The following XYLB variants were observed in gnomAD, a reference collection of about 807,000 sequenced individuals.
XYLB encodes the protein xylulokinase.
In XYLB, 62 loss-of-function variants were observed where a neutral mutation model predicts 78.7. The ratio of observed to expected loss-of-function variants is 0.79; its 90% CI spans 0.64 to 0.97. The LOEUF (loss-of-function observed/expected upper bound fraction) is 0.97. XYLB is among the 50% of genes least tolerant of loss of function. The pLI is 0.00. For synonymous variants in XYLB, 245 were observed against 247.4 expected, an observed-to-expected ratio of 0.99 and a Z score of 0.09; for missense variants, 687 against 676.8, an observed-to-expected ratio of 1.02 and a Z score of -0.17.
chr3:38,430,735 G>A, the XYLB span, among the ~76,000 whole-genome samples: 1 of 152,182 alleles, frequency 6.6e-6, no homozygotes. Flanking sequence ...TTTTGTATGA[G>A]GTGTAAAGAA....
chr3:38,351,802 T>C (rs76678025), intron 2 of XYLB, among the ~76,000 whole-genome samples: 4,843 of 152,340 alleles, frequency 0.032, 113 homozygotes, highest in African/African-American at 0.062. Context: ...TTTAAAATTT[T>C]ACATCACAGT....
At chr3:38,366,020 G>A (rs189738408) in intron 6 of XYLB, among the ~76,000 whole-genome samples, 98 of 152,036 alleles carry the variant, frequency 6.4e-4, no homozygotes, top group African/African-American at 1.6e-3. Flanking sequence ...TTTGTAACCC[G>A]GGGATTACAA....
At chr3:38,355,928 T>C (rs1705621604) in intron 2 of XYLB, 2 of 617,760 alleles carry the variant, frequency 3.2e-6, no homozygotes, top group Non-Finnish European at 5.8e-6. Context: ...TTAACTAATA[T>C]AATTTTTTCC....
the XYLB span, among the ~76,000 whole-genome samples, chr3:38,444,318 T>G: frequency 4.0e-5 from 6 of 151,648 alleles, no homozygotes; most frequent in Non-Finnish European, 7.4e-5. Flanking sequence ...AGCCTGGGGG[T>G]TTTTGTGGTC....
chr3:38,393,813 C>G (rs1354680692), intron 15 of XYLB, among the ~76,000 whole-genome samples: 7 of 152,114 alleles, frequency 4.6e-5, no homozygotes, highest in Admixed American at 4.6e-4. Flanking sequence ...TTATTTTTAA[C>G]TTAATTACCT....
chr3:38,426,164 A>G (rs929179153), downstream of XYLB, among the ~76,000 whole-genome samples: 2 of 152,244 alleles, frequency 1.3e-5, no homozygotes, highest in Non-Finnish European at 2.9e-5. Context: ...CAAACAGCAG[A>G]CTATGTAAAT....
downstream of XYLB, among the ~76,000 whole-genome samples, chr3:38,417,066 AT>A (rs761787410): frequency 4.6e-5 from 7 of 152,380 alleles, no homozygotes; most frequent in Middle Eastern, 3.4e-3. Flanking sequence ...ATATAACGAT[AT>A]AAGTGATCTG....
intron 1 of XYLB, 126 bp downstream of exon 1, chr3:38,347,051 C>T: frequency 1.0e-6 from 1 of 964,140 alleles, no homozygotes; most frequent in Non-Finnish European, 1.4e-6. Context: ...TCTCGGGCTT[C>T]CCGGGGCCCC....
intron 18 of XYLB, among the ~76,000 whole-genome samples, chr3:38,408,103 A>T (rs1161376126): frequency 1.3e-5 from 2 of 151,282 alleles, no homozygotes; most frequent in Admixed American, 1.3e-4. Context: ...ACCACACCAC[A>T]CCTATTCCAA....
chr3:38,425,257 T>G (rs1458594833), downstream of XYLB, among the ~76,000 whole-genome samples: 1 of 152,232 alleles, frequency 6.6e-6, no homozygotes, highest in Non-Finnish European at 1.5e-5. Context: ...TTCACAGTCA[T>G]GGGCATTCCA....
At chr3:38,418,286 T>C (rs966884823), downstream of XYLB, among the ~76,000 whole-genome samples, 3 of 151,948 alleles carry the variant, frequency 2.0e-5, no homozygotes, top group Admixed American at 2.0e-4. Context: ...TATTTTAAAA[T>C]GCTTACTGAC....
intron 9 of XYLB, 159 bp downstream of exon 9, chr3:38,370,333 T>A: frequency 1.6e-6 from 1 of 609,424 alleles, no homozygotes; most frequent in Non-Finnish European, 2.9e-6. Context: ...CAGTTTAGCC[T>A]AAGATGTAAG....
At chr3:38,385,746 C>T (rs1225892498) in intron 15 of XYLB, among the ~76,000 whole-genome samples, 1 of 152,056 alleles carries the variant, frequency 6.6e-6, no homozygotes, top group African/African-American at 2.4e-5. Flanking sequence ...TTGTTTTTTC[C>T]TTGGATCAGC....
At chr3:38,403,615 C>A (rs1011275198) in intron 18 of XYLB, among the ~76,000 whole-genome samples, 3 of 152,172 alleles carry the variant, frequency 2.0e-5, no homozygotes, top group Admixed American at 1.3e-4. Flanking sequence ...CCTCCCCTAT[C>A]CCACACACGC....
chr3:38,401,867 C>T (rs990720373), intron 18 of XYLB, among the ~76,000 whole-genome samples: 2 of 152,146 alleles, frequency 1.3e-5, no homozygotes, highest in East Asian at 3.8e-4. Context: ...GGTCTGGCAG[C>T]CCAGCAGCAG....
At chr3:38,377,943 GGTTCTT>G (rs777191871) in intron 14 of XYLB, among the ~76,000 whole-genome samples, 2 of 152,164 alleles carry the variant, frequency 1.3e-5, no homozygotes, top group Non-Finnish European at 2.9e-5. Context: ...GGATTTAGTT[GGTTCTT>G]GCTCCTCAAA....
chr3:38,381,851 G>T (rs995258522), intron 15 of XYLB, among the ~76,000 whole-genome samples: 2 of 152,146 alleles, frequency 1.3e-5, no homozygotes, highest in African/African-American at 2.4e-5. Context: ...ATTTCACCTC[G>T]GTCCTGTGGT....
Position 38,374,519 on chromosome 3 carries a change from C to A in XYLB, c.888+17C>A, listed in dbSNP as rs1706747043. On this transcript the variant is annotated intron_variant, in intron 11 of 18. Coordinates refer to ENST00000207870, the MANE Select transcript of XYLB (RefSeq NM_005108.4). ...GACATTGCGGTAAGGCGACTTCCCA[C>A]ACCCATAGGCTCTTTCTGTTTCCAC... 6.2e-7 allele frequency: 1 copy of A among 1,613,502 alleles called. No homozygotes were observed. The highest frequency in any genetic ancestry group is 1.3e-5 in the African/African-American group (1 of 74,894).
intron 18 of XYLB, among the ~76,000 whole-genome samples, chr3:38,408,077 ATACATT>A (rs1708406752): frequency 6.6e-6 from 1 of 151,368 alleles, no homozygotes; most frequent in Non-Finnish European, 1.5e-5. Context: ...TCAACAGAAT[ATACATT>A]TTTTTCAGCA....
Sources: gnomAD v4.1 joint callset for allele counts (sites outside exome capture counted in the v4.1 genomes callset) on GRCh38, gnomAD v4.1.1 for gene constraint, MANE v1.5 for transcripts, NCBI Gene and HGNC (gene_info 2026-07-23, HGNC 2026-07-21) for gene names.